The following NCAM1 variants were observed in gnomAD, a reference collection of about 807,000 sequenced individuals.
NCAM1 encodes neural cell adhesion molecule 1.
In NCAM1, 14 loss-of-function variants were observed where a neutral mutation model predicts 109.8. The ratio of observed to expected loss-of-function variants is 0.13; its 90% CI spans 0.08 to 0.20. NCAM1 has a LOEUF of 0.20. Ranked by LOEUF, NCAM1 falls within the 10% of genes least tolerant of loss-of-function variation. The pLI is 1.00. For missense variants in NCAM1, 774 were observed against 1,109.9 expected, an observed-to-expected ratio of 0.70 and a Z score of 4.30; for synonymous variants, 418 against 442.9, an observed-to-expected ratio of 0.94 and a Z score of 0.70.
intron 15 of NCAM1, among the ~76,000 whole-genome samples, chr11:113,250,143 T>C (rs11214552): frequency 0.048 from 7,302 of 152,256 alleles, 192 homozygotes; most frequent in African/African-American, 0.059. Context: ...CCCAAAAGCT[T>C]GATCCAGCAG....
At chr11:113,157,148 C>CACAT (rs558118170) in intron 1 of NCAM1, among the ~76,000 whole-genome samples, 1,702 of 152,076 alleles carry the variant, frequency 0.011, 16 homozygotes, top group Non-Finnish European at 0.016. Flanking sequence ...CACACACACA[C>CACAT]ACACACACAC....
intron 1 of NCAM1, among the ~76,000 whole-genome samples, chr11:113,073,519 C>T (rs1259131896): frequency 6.6e-6 from 1 of 152,132 alleles, no homozygotes; most frequent in African/African-American, 2.4e-5. Context: ...TCTGGTGTTC[C>T]CAAGAGTATT....
chr11:113,260,690 C>T (rs1945965814), intron 17 of NCAM1, among the ~76,000 whole-genome samples: 1 of 152,192 alleles, frequency 6.6e-6, no homozygotes, highest in Non-Finnish European at 1.5e-5. Context: ...CCACATCATA[C>T]TTGGACCACA....
At chr11:113,157,373 C>A (rs562911090) in intron 1 of NCAM1, among the ~76,000 whole-genome samples, 43 of 152,290 alleles carry the variant, frequency 2.8e-4, no homozygotes, top group African/African-American at 1.0e-3. Context: ...ATCAAACAAA[C>A]CAAATAAACA....
chr11:112,964,475 C>T (rs1473337044), intron 1 of NCAM1, among the ~76,000 whole-genome samples: 1 of 152,138 alleles, frequency 6.6e-6, no homozygotes, highest in Non-Finnish European at 1.5e-5. Flanking sequence ...GTTAAACTTG[C>T]AAGAGTCAAG....
At chr11:112,971,645 G>A (rs1950884855) in intron 1 of NCAM1, among the ~76,000 whole-genome samples, 1 of 152,122 alleles carries the variant, frequency 6.6e-6, no homozygotes, top group Admixed American at 6.5e-5. Context: ...GACTGAAGGT[G>A]CACATCATTG....
At chr11:113,063,988 A>T (rs558772252) in intron 1 of NCAM1, among the ~76,000 whole-genome samples, 1 of 152,286 alleles carries the variant, frequency 6.6e-6, no homozygotes, top group South Asian at 2.1e-4. Context: ...ATGTAGTCAT[A>T]TTTCTTGCTT....
chr11:112,983,780 G>A (rs1455781085), intron 1 of NCAM1, among the ~76,000 whole-genome samples: 1 of 151,830 alleles, frequency 6.6e-6, no homozygotes, highest in Non-Finnish European at 1.5e-5. Context: ...TAATATTTAA[G>A]GTGTTAACTA....
intron 17 of NCAM1, chr11:113,264,047 T>C: frequency 1.0e-6 from 1 of 985,356 alleles, no homozygotes; most frequent in Non-Finnish European, 1.2e-6. Context: ...GGGTGTGTTT[T>C]GTTAAGGTCC....
chr11:113,175,223 T>C (rs59478042), intron 1 of NCAM1, among the ~76,000 whole-genome samples: 1,799 of 152,330 alleles, frequency 0.012, 38 homozygotes, highest in African/African-American at 0.041. Flanking sequence ...TGATGGAAGC[T>C]TAATAGAGTT....
chr11:113,123,781 G>GCC (rs1591346506), intron 1 of NCAM1, among the ~76,000 whole-genome samples: 1 of 152,314 alleles, frequency 6.6e-6, no homozygotes, highest in East Asian at 1.9e-4. Flanking sequence ...TGGTGGTACA[G>GCC]CCCACAGCCT....
At chr11:113,059,918 A>G (rs1953857753) in intron 1 of NCAM1, among the ~76,000 whole-genome samples, 1 of 152,210 alleles carries the variant, frequency 6.6e-6, no homozygotes, top group African/African-American at 2.4e-5. Flanking sequence ...TTACTAGTCC[A>G]GTGGAAACAA....
At chr11:113,138,057 C>T (rs540803492) in intron 1 of NCAM1, among the ~76,000 whole-genome samples, 1 of 152,116 alleles carries the variant, frequency 6.6e-6, no homozygotes, top group Non-Finnish European at 1.5e-5. Context: ...AACAGCAGTG[C>T]GGGCCGTGAG....
At chr11:113,209,001 C>G (rs561835811) in intron 7 of NCAM1, among the ~76,000 whole-genome samples, 1 of 152,342 alleles carries the variant, frequency 6.6e-6, no homozygotes, top group South Asian at 2.1e-4. Flanking sequence ...AACTTCCATT[C>G]ATTTCAGAAC....
At chr11:113,053,792 G>A (rs888668775) in intron 1 of NCAM1, among the ~76,000 whole-genome samples, 2 of 152,152 alleles carry the variant, frequency 1.3e-5, no homozygotes, top group Non-Finnish European at 2.9e-5. Context: ...CGCATACCAC[G>A]ATCTTAGCTG....
intron 1 of NCAM1, among the ~76,000 whole-genome samples, chr11:112,972,982 C>T (rs1190191688): frequency 1.3e-5 from 2 of 152,026 alleles, no homozygotes; most frequent in Non-Finnish European, 2.9e-5. Context: ...TTGCAAAGGA[C>T]AACAGGACAA....
intron 1 of NCAM1, among the ~76,000 whole-genome samples, chr11:113,020,332 C>T (rs1166067445): frequency 2.0e-5 from 3 of 152,110 alleles, no homozygotes; most frequent in Non-Finnish European, 2.9e-5. Context: ...GTGGAAGAGG[C>T]CCTTGCATGA....
At chr11:113,087,178 A>G (rs1238159992) in intron 1 of NCAM1, among the ~76,000 whole-genome samples, 2 of 152,228 alleles carry the variant, frequency 1.3e-5, no homozygotes, top group African/African-American at 4.8e-5. Context: ...CTAAATGTAT[A>G]GTTGGTAATG....
At chr11:113,226,040 C>T (rs192366066) in intron 9 of NCAM1, among the ~76,000 whole-genome samples, 4 of 152,280 alleles carry the variant, frequency 2.6e-5, no homozygotes, top group Non-Finnish European at 2.9e-5. Flanking sequence ...AGCAAAATAA[C>T]CAGCTAACAT....
Sources: allele counts gnomAD v4.1 joint callset (sites outside exome capture counted in the v4.1 genomes callset), GRCh38; gene constraint gnomAD v4.1.1; transcripts MANE v1.5; gene names NCBI Gene and HGNC (gene_info 2026-07-23, HGNC 2026-07-21).